Variants in TGIF1 observed in about 807,000 individuals in gnomAD.
TGIF1 encodes the protein TGFB induced factor homeobox 1, also known as homeobox protein TGIF1.
In TGIF1, 4 loss-of-function variants were observed where a neutral mutation model predicts 19.3. That is an observed-to-expected ratio of 0.21 (90% CI 0.10 to 0.47). The LOEUF (loss-of-function observed/expected upper bound fraction) is 0.47, where lower values mean the gene tolerates loss of function less well. Ranked by LOEUF, TGIF1 falls within the 20% of genes least tolerant of loss-of-function variation. The pLI is 0.98. For missense variants in TGIF1, 275 were observed against 341.4 expected, an observed-to-expected ratio of 0.81 and a Z score of 1.53; for synonymous variants, 122 against 129.3, an observed-to-expected ratio of 0.94 and a Z score of 0.38.
upstream of TGIF1, chr18:3,448,398 C>A (rs992485814): frequency 9.9e-7 from 1 of 1,008,550 alleles, no homozygotes; most frequent in Non-Finnish European, 1.2e-6. Flanking sequence ...CCCCTCCCTG[C>A]GCCACATCTG....
chr18:3,422,753 T>C (rs867304666), intron 2 of TGIF1, among the ~76,000 whole-genome samples: 4 of 140,078 alleles, frequency 2.9e-5, no homozygotes, highest in Admixed American at 8.0e-5. Flanking sequence ...TGCAGTGGCG[T>C]GATCTCCGCT....
At chr18:3,455,107 T>C (rs1169372433) in intron 1 of TGIF1, 2 of 152,200 alleles carry the variant, frequency 1.3e-5, no homozygotes, top group Non-Finnish European at 2.9e-5. Context: ...ATTTTTGTTA[T>C]TTTAATTACT....
Position 3,458,457 on chromosome 18 carries a change from A to T in TGIF1, c.*517A>T, listed in dbSNP as rs1371728729. 1.2e-5 allele frequency: 2 copies of T among 167,086 alleles called. No homozygotes were observed. The highest frequency in any genetic ancestry group is 5.9e-5 in the Admixed American group (1 of 16,866). 10.4% of individuals were successfully genotyped at this position (167,086 alleles called of 1,614,324 possible). A position where few individuals can be genotyped will look rare whatever the true frequency, so the allele number is the denominator to read the frequency against. The stretch of plus-strand genomic sequence containing the variant: ...TCTGTTGAGGGAGGTGCTTCTTAAA[A>T]ATAAGTAGGAATATAGCACCCCAGT... On this transcript the variant is annotated 3_prime_UTR_variant, in exon 3 of 3. Coordinates refer to ENST00000343820, the MANE Select transcript of TGIF1 (RefSeq NM_003244.4).
At position 3,451,140 on chromosome 18, in the gene TGIF1, C is replaced by T. The variant is rs1332835814; in HGVS notation, c.16+635C>T. 6.6e-6 allele frequency among the ~76,000 whole-genome samples: 1 copy of T among 152,158 alleles called. No homozygotes were observed. The highest frequency in any genetic ancestry group is 1.5e-5 in the Non-Finnish European group (1 of 68,032). On this transcript the variant is annotated intron_variant, in intron 1 of 2. Transcript: ENST00000343820. The surrounding 1 kb of genome is among the most constrained non-coding windows in gnomAD (Gnocchi z 5.4). ...CAAATCCCCAGTCTCTAAAAGTTTT[C>T]CCACGATGAATTTTGGGGCAGGAGG...
In TGIF1 at chr18:3,456,782, C is replaced by A; in HGVS notation, c.243+202C>A. The A allele has an allele frequency of 1.5e-6, 1 of 680,212 alleles. No homozygotes were observed. 42.1% of individuals were successfully genotyped at this position (680,212 alleles called of 1,614,324 possible). A position where few individuals can be genotyped will look rare whatever the true frequency, so the allele number is the denominator to read the frequency against. On this transcript the variant is annotated intron_variant, in intron 2 of 2. Transcript: ENST00000343820. The surrounding 1 kb of genome is among the most constrained non-coding windows in gnomAD (Gnocchi z 4.2). ...CACTTGACAGTCATCTATCAGATAG[C>A]ATTTCCTTTAATGCCTAAAAGAACC...
At chr18:3,449,331 G>C, upstream of TGIF1, 1 of 969,156 alleles carries the variant, frequency 1.0e-6, no homozygotes, top group Non-Finnish European at 1.2e-6. Flanking sequence ...GCCGCTGCCG[G>C]GGTTCGGCGA....
rs147363019 is a variant in TGIF1 at position 3,428,747 on chromosome 18, A to G, written c.-45+10532A>G. 9.6e-3 allele frequency among the ~76,000 whole-genome samples: 1,446 copies of G among 151,330 alleles called. 11 individuals are homozygous for G. The highest frequency in any genetic ancestry group is 0.015 in the Non-Finnish European group (1,026 of 67,922). The stretch of plus-strand genomic sequence containing the variant: ...GCAAGACTTCATCTCAAAAAAAAAA[A>G]TGTTATTTTATAGGTCAGGCGCAGT... On this transcript the variant is annotated intron_variant, in intron 2 of 3. Transcript: ENST00000401449.
chr18:3,449,506 A>G (rs1007771267), upstream of TGIF1: 4 of 985,360 alleles, frequency 4.1e-6, no homozygotes, highest in African/African-American at 7.0e-5. Flanking sequence ...AGCCCGGGGG[A>G]ACAGACGTTC....
At chr18:3,427,754 C>CA (rs1181726180) in intron 2 of TGIF1, among the ~76,000 whole-genome samples, 2 of 152,086 alleles carry the variant, frequency 1.3e-5, no homozygotes, top group East Asian at 3.9e-4. Flanking sequence ...CAACTGCCAC[C>CA]ACACCTGGCT....
At position 3,457,913 on chromosome 18, in the gene TGIF1, G is replaced by A; in HGVS notation, c.792G>A (p.Met264Ile). 1.2e-6 allele frequency: 2 copies of A among 1,601,006 alleles called. No homozygotes were observed. The highest frequency in any genetic ancestry group is 8.5e-7 in the Non-Finnish European group (1 of 1,179,958). ...VDVALKRAAEMELQAKLTA is the reference protein window; with the variant it reads ...VDVALKRAAEIELQAKLTA ...TTGCACTCAAACGGGCTGCAGAGAT[G>A]GAGCTTCAGGCAAAACTTACAGCTT... Residue 264 changes from methionine (M) to isoleucine (I), a missense_variant, in exon 3 of 3, where the codon ATG (methionine) becomes ATA (isoleucine). Physicochemically the swap from Met to Ile is conservative, Grantham distance 10 (BLOSUM62 1). Coordinates refer to ENST00000343820, the MANE Select transcript of TGIF1 (RefSeq NM_003244.4). The surrounding 1 kb of genome is among the most constrained non-coding windows in gnomAD (Gnocchi z 4.9).
chr18:3,452,491 C>A, intron 1 of TGIF1: 1 of 1,519,530 alleles, frequency 6.6e-7, no homozygotes, highest in South Asian at 1.2e-5. Context: ...CCTGGCGAGT[C>A]GTCTGGGGTG....
At chr18:3,449,512 C>A, upstream of TGIF1, 1 of 985,490 alleles carries the variant, frequency 1.0e-6, no homozygotes, top group Non-Finnish European at 1.2e-6. Flanking sequence ...GGGGAACAGA[C>A]GTTCGTTTAG....
At chr18:3,424,108 C>T (rs975110727) in intron 2 of TGIF1, among the ~76,000 whole-genome samples, 1 of 152,124 alleles carries the variant, frequency 6.6e-6, no homozygotes, top group Admixed American at 6.5e-5. Context: ...TATGTGAGAG[C>T]AACTCAAGCT....
rs904718447 is a variant in TGIF1, at chr18:3,458,993, A to G, written c.*1053A>G. The G allele has an allele frequency of 4.6e-5, 7 of 152,322 alleles. No individual in the cohort carries two copies. Among genetic ancestry groups the G allele is most frequent in the African/African-American group, 1.7e-4 (7 of 41,570 alleles). 9.4% of individuals were successfully genotyped at this position (152,322 alleles called of 1,614,324 possible). ...TCAGTTTATTAGGTGAGTATTTTCC[A>G]AGGTCTCAGTTTGTGAAAAAATGGT... On this transcript the variant is annotated 3_prime_UTR_variant, in exon 3 of 3. Transcript: ENST00000343820.
At chr18:3,453,180 C>T (rs913724280) in intron 1 of TGIF1, among the ~76,000 whole-genome samples, 1 of 152,132 alleles carries the variant, frequency 6.6e-6, no homozygotes, top group Non-Finnish European at 1.5e-5. Flanking sequence ...TCAAGAAATC[C>T]TCTCGCCTTG....
chr18:3,457,847 C>T lies in TGIF1; in HGVS notation c.726C>T (p.Asp242=). 1.9e-6 allele frequency: 3 copies of T among 1,610,316 alleles called. No individual in the cohort carries two copies. Among genetic ancestry groups the T allele is most frequent in the Non-Finnish European group, 2.5e-6 (3 of 1,180,004 alleles). The change falls in exon 3 of 3, where the codon GAC becomes GAT. Residue 242 remains aspartate (D), a synonymous_variant. Transcript: ENST00000343820. The surrounding 1 kb of genome is among the most constrained non-coding windows in gnomAD (Gnocchi z 4.9). ...LFNTPPPTPP[D]LNQDFSGFQL... ...ACACTCCTCCCCCTACTCCACCGGA[C>T]CTCAACCAGGACTTCAGTGGATTTC...
At chr18:3,438,745 T>C (rs1039935932) in intron 2 of TGIF1, among the ~76,000 whole-genome samples, 1 of 152,060 alleles carries the variant, frequency 6.6e-6, no homozygotes, top group African/African-American at 2.4e-5. Flanking sequence ...ACATGTTTCC[T>C]GAACCAAAAA....
intron 2 of TGIF1, among the ~76,000 whole-genome samples, chr18:3,428,076 C>G (rs902603823): frequency 6.6e-6 from 1 of 152,156 alleles, no homozygotes; most frequent in Non-Finnish European, 1.5e-5. Context: ...CTGACATTTG[C>G]ATTGTTGATG....
chr18:3,413,216 T>G lies in TGIF1; in HGVS notation c.-118+962T>G, dbSNP rs188674855. Among the ~76,000 whole-genome samples, 33 of 152,332 alleles carry G rather than the reference T, an allele frequency of 2.2e-4. 1 individual carries two copies. Among genetic ancestry groups the G allele is most frequent in the African/African-American group, 7.9e-4 (33 of 41,568 alleles). ...TTAATAGAGTAAAAAAGAATGAGGA[T>G]TTTTAAAAAATTAAATTCACGGAAC... On this transcript the variant is annotated intron_variant, in intron 1 of 3. Coordinates refer to the TGIF1 transcript ENST00000401449.
Sources: allele counts gnomAD v4.1 joint callset (sites outside exome capture counted in the v4.1 genomes callset), GRCh38; gene constraint gnomAD v4.1.1; non-coding constraint Gnocchi (gnomAD v3.1); transcripts MANE v1.5; gene names NCBI Gene and HGNC (gene_info 2026-07-23, HGNC 2026-07-21).